Variants in EBF3 observed in about 807,000 individuals in gnomAD.
The protein encoded by EBF3 is transcription factor COE3.
Under a neutral mutation model 77.1 loss-of-function variants are expected in EBF3, and 18 were observed. The ratio of observed to expected loss-of-function variants is 0.23; its 90% CI spans 0.16 to 0.35. The LOEUF (loss-of-function observed/expected upper bound fraction) is 0.35, where lower values mean the gene tolerates loss of function less well. Among genes scored for constraint, EBF3 ranks in the 10% least tolerant of loss-of-function variants. The pLI, the probability that EBF3 is intolerant of heterozygous loss-of-function variation, is 1.00. For synonymous variants in EBF3, 350 were observed against 343.5 expected (o/e 1.02, Z -0.21); for missense variants, 558 against 860.0 (o/e 0.65, Z 4.39).
At chr10:129,898,838 C>G (rs985650607) in intron 6 of EBF3, among the ~76,000 whole-genome samples, 1 of 152,204 alleles carries the variant, frequency 6.6e-6, no homozygotes, top group Non-Finnish European at 1.5e-5. Flanking sequence ...TCCTCCCGCG[C>G]CCAGGCCCCG....
Position 129,887,215 on chromosome 10 carries a change from C to T in EBF3, c.555-9366G>A, listed in dbSNP as rs561788401. Among the ~76,000 whole-genome samples, 4 of 152,332 alleles carry T rather than the reference C, an allele frequency of 2.6e-5. No individual in the cohort carries two copies. The South Asian group carries it at 8.3e-4, about 32-fold the overall frequency. On this transcript the variant is annotated intron_variant, in intron 6 of 16. Coordinates refer to ENST00000440978, the MANE Select transcript of EBF3 (RefSeq NM_001375380.1). Reference sequence around the variant, plus strand: ...GCATGCCACTCGGCCCAACTTTGCACGTCACCTTTCATTTTCTGTTTTTGT... The same window carrying T: ...GCATGCCACTCGGCCCAACTTTGCATGTCACCTTTCATTTTCTGTTTTTGT...
rs184074323 is a variant in EBF3 at position 129,863,368 on chromosome 10, C to G, written c.1039+3773G>C. 1.2e-3 allele frequency among the ~76,000 whole-genome samples: 188 copies of G among 152,348 alleles called. 1 individual carries two copies. Among genetic ancestry groups the G allele is most frequent in the Middle Eastern group, 3.4e-3 (1 of 294 alleles). On this transcript the variant is annotated intron_variant, in intron 10 of 16. Transcript: ENST00000440978. The surrounding 1 kb of genome is among the most constrained non-coding windows in gnomAD (Gnocchi z 4.0). ...AGTTGAAAGCAGCAGGCAAAAGGGC[C>G]TGGATGGATGGGGCCTGGCCTGCCT...
At chr10:129,889,976 TG>T (rs1329916126) in intron 6 of EBF3, among the ~76,000 whole-genome samples, 1,463 of 123,996 alleles carry the variant, frequency 0.012, 59 homozygotes, top group Non-Finnish European at 0.017. Context: ...TTTTTTTTTT[TG>T]GTTATGAAGA....
chr10:129,903,817 T>C (rs1451950822), intron 6 of EBF3, among the ~76,000 whole-genome samples: 1 of 152,328 alleles, frequency 6.6e-6, no homozygotes, highest in Admixed American at 6.5e-5. Flanking sequence ...AAAGTCATCA[T>C]AGGAATCACA....
intron 6 of EBF3, among the ~76,000 whole-genome samples, chr10:129,940,533 T>C (rs1209180279): frequency 1.3e-5 from 2 of 152,280 alleles, no homozygotes; most frequent in East Asian, 3.9e-4. Flanking sequence ...TCCCCAAATC[T>C]GAGGAAATGA....
chr10:129,875,374 T>C (rs1005531279), intron 7 of EBF3, among the ~76,000 whole-genome samples: 40 of 152,038 alleles, frequency 2.6e-4, no homozygotes, highest in Admixed American at 9.8e-4. Context: ...TTTTTGGCAT[T>C]TGTAGTAGAG....
intron 6 of EBF3, among the ~76,000 whole-genome samples, chr10:129,911,906 C>T (rs1053969840): frequency 3.9e-5 from 6 of 152,236 alleles, no homozygotes; most frequent in South Asian, 4.2e-4. Flanking sequence ...GGGGTCTCCG[C>T]GAGGCCTCAT....
chr10:129,899,971 T>C (rs1292053801), intron 6 of EBF3, among the ~76,000 whole-genome samples: 2 of 152,234 alleles, frequency 1.3e-5, no homozygotes, highest in East Asian at 1.9e-4. Context: ...GCTCTTGTCG[T>C]TGCTGCAGAA....
At chr10:129,881,247 T>G (rs893144360) in intron 6 of EBF3, among the ~76,000 whole-genome samples, 1 of 152,220 alleles carries the variant, frequency 6.6e-6, no homozygotes, top group African/African-American at 2.4e-5. Context: ...AATTCTAACC[T>G]GTCATTAGTA....
rs1320997452 is a variant in EBF3, at chr10:129,835,580, A to G, written c.*2363T>C. ...ACTCGTACAAAATAAAATGGAGGCA[A>G]TTTAGTTCCAAAGTGACTTCTCAGG... On this transcript the variant is annotated 3_prime_UTR_variant, in exon 17 of 17. Transcript: ENST00000440978. The G allele has an allele frequency of 1.3e-5, 2 of 152,184 alleles. No homozygotes were observed. The highest frequency in any genetic ancestry group is 1.5e-5 in the Non-Finnish European group (1 of 68,016). 9.4% of individuals were successfully genotyped at this position (152,184 alleles called of 1,614,324 possible).
At position 129,835,579 on chromosome 10, in the gene EBF3, A is replaced by C. The variant is rs541196416; in HGVS notation, c.*2364T>G. The C allele has an allele frequency of 3.3e-5, 5 of 152,312 alleles. No individual in the cohort carries two copies. In the South Asian group the frequency reaches 1.0e-3, roughly 32 times the overall value. The allele number at this position is 152,312 out of a possible 1,614,324, so 9.4% of individuals were successfully genotyped here. A position where few individuals can be genotyped will look rare whatever the true frequency, so the allele number is the denominator to read the frequency against. ...TACTCGTACAAAATAAAATGGAGGCAATTTAGTTCCAAAGTGACTTCTCAG... is the reference window on the plus strand; with the variant it reads ...TACTCGTACAAAATAAAATGGAGGCCATTTAGTTCCAAAGTGACTTCTCAG... On this transcript the variant is annotated 3_prime_UTR_variant, in exon 17 of 17. Transcript: ENST00000440978.
At chr10:129,895,240 A>G (rs1854286785) in intron 6 of EBF3, among the ~76,000 whole-genome samples, 1 of 152,180 alleles carries the variant, frequency 6.6e-6, no homozygotes, top group Non-Finnish European at 1.5e-5. Context: ...CACCAGCAGG[A>G]GTTTGGGAAG....
chr10:129,911,053 C>T (rs185943168), intron 6 of EBF3, among the ~76,000 whole-genome samples: 2 of 152,368 alleles, frequency 1.3e-5, no homozygotes, highest in African/African-American at 2.4e-5. Flanking sequence ...CCACTCCAAA[C>T]CCCCACACCT....
At position 129,963,897 on chromosome 10, in the gene EBF3, C is replaced by A. The variant is rs1859736651; in HGVS notation, c.-129G>T. 5 of 1,163,008 alleles carry A rather than the reference C, an allele frequency of 4.3e-6. No individual in the cohort carries two copies. In the South Asian group the frequency reaches 1.3e-4, roughly 30 times the overall value. 72.0% of individuals were successfully genotyped at this position (1,163,008 alleles called of 1,614,324 possible). A position where few individuals can be genotyped will look rare whatever the true frequency, so the allele number is the denominator to read the frequency against. On this transcript the variant is annotated 5_prime_UTR_variant, in exon 1 of 17. Coordinates refer to ENST00000440978, the MANE Select transcript of EBF3 (RefSeq NM_001375380.1). This position sits in a 1 kb window ranked among gnomAD's most constrained non-coding sequence, Gnocchi z 7.1. ...CTCGGCGCCTGCGGTCCGGCCCCGC[C>A]GCCGGCTTCAGCCCGTCCCGGGCAG...
chr10:129,846,147 T>TGTGTGC (rs58598111), intron 11 of EBF3, among the ~76,000 whole-genome samples: 1 of 146,994 alleles, frequency 6.8e-6, no homozygotes, highest in Non-Finnish European at 1.5e-5. Flanking sequence ...TGTGTGTGTG[T>TGTGTGC]AAAACATTTG....
intron 6 of EBF3, among the ~76,000 whole-genome samples, chr10:129,905,137 A>T (rs979616130): frequency 1.3e-5 from 2 of 152,132 alleles, no homozygotes; most frequent in Non-Finnish European, 2.9e-5. Flanking sequence ...CTTTCCATCA[A>T]CTTGGGGCTG....
chr10:129,891,697 C>T (rs1006557561), intron 6 of EBF3, among the ~76,000 whole-genome samples: 3 of 152,102 alleles, frequency 2.0e-5, no homozygotes, highest in South Asian at 2.1e-4. Context: ...ATCCGTGGCC[C>T]GGTGGTCTGC....
intron 6 of EBF3, among the ~76,000 whole-genome samples, chr10:129,924,901 C>T (rs1208153029): frequency 6.6e-6 from 1 of 152,252 alleles, no homozygotes; most frequent in Non-Finnish European, 1.5e-5. Context: ...AACTCCACGG[C>T]TCAAGTGATC....
In EBF3 at chr10:129,963,677, A is replaced by C; in HGVS notation, c.92T>G (p.Met31Arg). Residue 31 changes from methionine to arginine, a missense_variant, in exon 1 of 17, where the codon ATG becomes AGG. Physicochemically the swap from Met to Arg is moderately conservative, Grantham distance 91. Coordinates refer to ENST00000440978, the MANE Select transcript of EBF3 (RefSeq NM_001375380.1). The surrounding 1 kb of genome is among the most constrained non-coding windows in gnomAD (Gnocchi z 7.1). ...GGCGTCCACCACGCCCGCCGTGTGC[A>C]TCCACGAGCGCACCGGGTTCATGCC... The part of the protein sequence containing the change: ...GSGMNPVRSW[M>R]HTAGVVDANT... 1 of 1,517,530 alleles carries C rather than the reference A, an allele frequency of 6.6e-7. No homozygotes were observed. 94.0% of individuals were successfully genotyped at this position (1,517,530 alleles called of 1,614,324 possible). A position where few individuals can be genotyped will look rare whatever the true frequency, so the allele number is the denominator to read the frequency against.
Sources: gnomAD v4.1 joint callset for allele counts (sites outside exome capture counted in the v4.1 genomes callset) on GRCh38, gnomAD v4.1.1 for gene constraint, Gnocchi (gnomAD v3.1) non-coding constraint, MANE v1.5 for transcripts, NCBI Gene and HGNC (gene_info 2026-07-23, HGNC 2026-07-21) for gene names.